The following RPL27 variants were observed in gnomAD, a reference collection of about 807,000 sequenced individuals.
RPL27 encodes ribosomal protein L27.
For synonymous variants in RPL27, 77 were observed against 61.0 expected (o/e 1.26, Z -1.22); for missense variants, 131 against 174.3 (o/e 0.75, Z 1.40).
In RPL27 at chr17:42,999,202, G is replaced by T. The variant is rs1393179365; in HGVS notation, c.81+371G>T. On this transcript the variant is annotated intron_variant, in intron 2 of 4. Coordinates refer to ENST00000253788, the MANE Select transcript of RPL27 (RefSeq NM_000988.5). Reference sequence around the variant, plus strand: ...TTTTTTGAGACGGGATCTCTGTCCAGGCTAAGTGCAGTGGCGTGATCACTG... The same window carrying T: ...TTTTTTGAGACGGGATCTCTGTCCATGCTAAGTGCAGTGGCGTGATCACTG... 1.5e-5 allele frequency: 3 copies of T among 202,858 alleles called. No homozygotes were observed. In the East Asian group the frequency reaches 5.1e-4, roughly 35 times the overall value. The allele number at this position is 202,858 out of a possible 1,614,324, so 12.6% of individuals were successfully genotyped here.
At chr17:43,002,635 T>C (rs769337537) in intron 3 of RPL27, 38 bp from the exon 4 acceptor site, 1 of 1,289,272 alleles carries the variant, frequency 7.8e-7, no homozygotes, top group Non-Finnish European at 1.1e-6. Flanking sequence ...GCCCCGGCAG[T>C]ATGTGGGCTA....
chr17:43,001,886 T>C (rs2050365872), intron 3 of RPL27, among the ~76,000 whole-genome samples: 1 of 151,162 alleles, frequency 6.6e-6, no homozygotes, highest in Admixed American at 6.6e-5. Context: ...GATCAGGAGA[T>C]CGAGACCATC....
chr17:43,000,094 G>A lies in RPL27; in HGVS notation c.243G>A (p.Met81Ile). The A allele has an allele frequency of 6.2e-7, 1 of 1,610,542 alleles. No homozygotes were observed. The highest frequency in any genetic ancestry group is 8.5e-7 in the Non-Finnish European group (1 of 1,177,654). The part of the protein sequence containing the change: ...FVKVYNYNHL[M>I]PTRYSVDIPL... ...AAGTGTATAACTACAATCACCTAAT[G>A]CCCACAAGGTGAGCATTTCAAGAAC... is the stretch of plus-strand genomic sequence containing the variant. Residue 81 changes from methionine to isoleucine, a missense_variant, in exon 3 of 5, where the codon ATG (methionine) becomes ATA (isoleucine). Transcript: ENST00000253788.
rs2050343620 is a variant in RPL27 at position 43,000,077 on chromosome 17, A to G, written c.226A>G (p.Asn76Asp). 5 of 1,613,024 alleles carry G rather than the reference A, an allele frequency of 3.1e-6. No homozygotes were observed. Among genetic ancestry groups the G allele is most frequent in the Non-Finnish European group, 4.2e-6 (5 of 1,179,766 alleles). ...SKIKSFVKVY[N>D]YNHLMPTRYS... ...GATAAAATCTTTTGTGAAAGTGTAT[A>G]ACTACAATCACCTAATGCCCACAAG... is the stretch of plus-strand genomic sequence containing the variant. Residue 76 changes from asparagine to aspartate, a missense_variant, in exon 3 of 5, where the codon AAC becomes GAC. Transcript: ENST00000253788.
chr17:43,001,633 T>A (rs1021400772), intron 3 of RPL27, among the ~76,000 whole-genome samples: 2 of 149,984 alleles, frequency 1.3e-5, no homozygotes, highest in Non-Finnish European at 3.0e-5. Flanking sequence ...AAAATAAAAA[T>A]AATAATAAAA....
rs1156831484 is a variant in RPL27 at position 42,999,993 on chromosome 17, C to T, written c.142C>T (p.Arg48Cys). 6 of 1,611,960 alleles carry T rather than the reference C, an allele frequency of 3.7e-6. No homozygotes were observed. The highest frequency in any genetic ancestry group is 4.2e-6 in the Non-Finnish European group (5 of 1,179,756). ...YSHALVAGID[R>C]YPRKVTAAMG... ...CCATGCTCTGGTGGCTGGAATTGAC[C>T]GCTACCCCCGCAAAGTGACAGCTGC... is the stretch of plus-strand genomic sequence containing the variant. Residue 48 changes from arginine (R) to cysteine (C), a missense_variant, in exon 3 of 5, where the codon CGC becomes TGC. Transcript: ENST00000253788.
At position 43,000,062 on chromosome 17, in the gene RPL27, T is replaced by C. The variant is rs1247139254; in HGVS notation, c.211T>C (p.Phe71Leu). ...CGCCAAGAGATCAAAGATAAAATCTTTTGTGAAAGTGTATAACTACAATCA... is the reference window on the plus strand; with the variant it reads ...CGCCAAGAGATCAAAGATAAAATCTCTTGTGAAAGTGTATAACTACAATCA... Reference protein sequence around the residue: ...KIAKRSKIKSFVKVYNYNHLM... With the variant: ...KIAKRSKIKSLVKVYNYNHLM... Residue 71 changes from phenylalanine (F) to leucine (L), a missense_variant, in exon 3 of 5, where the codon TTT becomes CTT. Phe to Leu is a conservative substitution (Grantham distance 22). Coordinates refer to ENST00000253788, the MANE Select transcript of RPL27 (RefSeq NM_000988.5). The C allele has an allele frequency of 6.2e-7, 1 of 1,613,234 alleles. No homozygotes were observed. The highest frequency in any genetic ancestry group is 8.5e-7 in the Non-Finnish European group (1 of 1,179,978).
At chr17:43,000,685 C>A (rs966673277) in intron 3 of RPL27, among the ~76,000 whole-genome samples, 1 of 147,640 alleles carries the variant, frequency 6.8e-6, no homozygotes, top group Non-Finnish European at 1.5e-5. Context: ...ACCTCGTGAT[C>A]TGCCCACCTC....
At chr17:43,000,139 C>G (rs529933728) in intron 3 of RPL27, 37 bp downstream of exon 3, 2 of 1,516,548 alleles carry the variant, frequency 1.3e-6, no homozygotes, top group Middle Eastern at 2.1e-4. Context: ...AATTTCTTCT[C>G]CCTGCTCTGT....
intron 2 of RPL27, chr17:42,999,320 G>A (rs1185043504): frequency 6.4e-6 from 1 of 155,408 alleles, no homozygotes. Flanking sequence ...CAGCTATAGG[G>A]GGTTCCTTCC....
rs879157271 is a variant in RPL27 at position 43,002,670 on chromosome 17, C to T, written c.252-3C>T. On this transcript the variant is annotated splice_polypyrimidine_tract_variant and splice_region_variant and intron_variant, in intron 3 of 4. Coordinates refer to ENST00000253788, the MANE Select transcript of RPL27 (RefSeq NM_000988.5). ...AATCCTGCCTCTCCACCTTTGTCCC[C>T]AGGTACTCTGTGGATATCCCCTTGG... 6.3e-7 allele frequency: 1 copy of T among 1,586,254 alleles called. No individual in the cohort carries two copies. The highest frequency in any genetic ancestry group is 1.3e-5 in the African/African-American group (1 of 74,362).
chr17:43,002,825 T>C (rs1306559506), intron 4 of RPL27, 42 bp downstream of exon 4: 1 of 1,602,966 alleles, frequency 6.2e-7, no homozygotes, highest in Non-Finnish European at 8.5e-7. Context: ...ATGGTTTCAC[T>C]ATTTCCATTC....
intron 3 of RPL27, among the ~76,000 whole-genome samples, chr17:43,000,641 T>G (rs2050350975): frequency 1.3e-5 from 2 of 148,418 alleles, no homozygotes; most frequent in South Asian, 2.2e-4. Flanking sequence ...AGACGGGGTT[T>G]CACCATGTTA....
rs140114345 is a variant in RPL27 at position 43,000,481 on chromosome 17, G to GTT, written c.251+382_251+383dup. 5.5e-3 allele frequency among the ~76,000 whole-genome samples: 760 copies of GTT among 136,988 alleles called. 18 individuals are homozygous for GTT. Among genetic ancestry groups the GTT allele is most frequent in the Middle Eastern group, 0.03 (8 of 266 alleles). The allele number at this position is 136,988 out of a possible 152,430, so 89.9% of individuals were successfully genotyped here. On this transcript the variant is annotated intron_variant, in intron 3 of 4. Transcript: ENST00000253788. Reference sequence around the variant, plus strand: ...CTGTCTTAGTACAGTGTTTTGTTTTGTTTTGTTTTTTTTTGAGACGGAGTC... The same window carrying GTT: ...CTGTCTTAGTACAGTGTTTTGTTTTGTTTTTTGTTTTTTTTTGAGACGGAGTC...
At position 43,002,724 on chromosome 17, in the gene RPL27, C is replaced by T. The variant is rs144939879; in HGVS notation, c.303C>T (p.Phe101=). 22 of 1,613,768 alleles carry T rather than the reference C, an allele frequency of 1.4e-5. No homozygotes were observed. The highest frequency in any genetic ancestry group is 2.7e-5 in the African/African-American group (2 of 74,882). Residue 101 remains phenylalanine (F), a synonymous_variant, in exon 4 of 5, where the codon TTC becomes TTT. Transcript: ENST00000253788. ...LDKTVVNKDV[F]RDPALKRKAR... ...AAACTGTCGTCAATAAGGATGTCTT[C>T]AGAGATCCTGCTCTTAAACGCAAGG...
intron 2 of RPL27, chr17:42,999,329 C>T: frequency 6.5e-6 from 1 of 155,026 alleles, no homozygotes; most frequent in South Asian, 1.8e-4. Context: ...GGGGTTCCTT[C>T]CTGTTGCTAA....
Position 42,999,965 on chromosome 17 carries a change from C to T in RPL27, c.114C>T (p.Tyr38=). The T allele has an allele frequency of 3.1e-6, 5 of 1,612,206 alleles. No homozygotes were observed. The highest frequency in any genetic ancestry group is 3.4e-6 in the Non-Finnish European group (4 of 1,179,924). ...ATGATGGCACCTCAGATCGCCCCTACAGCCATGCTCTGGTGGCTGGAATTG... is the reference window on the plus strand; with the variant it reads ...ATGATGGCACCTCAGATCGCCCCTATAGCCATGCTCTGGTGGCTGGAATTG... The part of the protein sequence containing the change: ...NIDDGTSDRP[Y]SHALVAGIDR... The change falls in exon 3 of 5, where the codon TAC becomes TAT. Residue 38 remains tyrosine (Y), a synonymous_variant. Coordinates refer to ENST00000253788, the MANE Select transcript of RPL27 (RefSeq NM_000988.5).
chr17:42,999,197 G>A (rs374213163), intron 2 of RPL27: 150 of 197,916 alleles, frequency 7.6e-4, no homozygotes, highest in African/African-American at 3.4e-3. Flanking sequence ...CGGGATCTCT[G>A]TCCAGGCTAA....
chr17:43,000,651 A>G, intron 3 of RPL27, among the ~76,000 whole-genome samples: 1 of 143,242 alleles, frequency 7.0e-6, no homozygotes, highest in Non-Finnish European at 1.5e-5. Flanking sequence ...TCACCATGTT[A>G]GCCAGGATGG....
Sources: gnomAD v4.1 joint callset for allele counts (sites outside exome capture counted in the v4.1 genomes callset) on GRCh38, gnomAD v4.1.1 for gene constraint, MANE v1.5 for transcripts, NCBI Gene and HGNC (gene_info 2026-07-23, HGNC 2026-07-21) for gene names.